The following MYCBP2 variants were observed in gnomAD, a reference collection of about 807,000 sequenced individuals.
MYCBP2 encodes E3 ubiquitin-protein ligase MYCBP2.
MYCBP2 carries 120 observed loss-of-function variants against 525.3 expected under a neutral mutation model. That is an observed-to-expected ratio of 0.23 (90% CI 0.20 to 0.27). The LOEUF (loss-of-function observed/expected upper bound fraction) is 0.27, where lower values mean the gene tolerates loss of function less well. Among genes scored for constraint, MYCBP2 ranks in the 10% least tolerant of loss-of-function variants. The pLI is 1.00. For synonymous variants in MYCBP2, 1,894 were observed against 1,955.8 expected (o/e 0.97, Z 0.83); for missense variants, 4,149 against 5,657.1 (o/e 0.73, Z 8.55).
rs149142466 is a variant in MYCBP2, at chr13:77,150,793, C to T, written c.7072G>A (p.Val2358Ile). 4.5e-5 allele frequency: 72 copies of T among 1,614,094 alleles called. No homozygotes were observed. In the African/African-American group the frequency reaches 8.9e-4, roughly 20 times the overall value. Residue 2358 changes from valine to isoleucine, a missense_variant, in exon 47 of 83, where the codon GTT becomes ATT. Around this residue, in one of 21 missense-constraint regions of MYCBP2, gnomAD observed 692 missense variants for 852.7 expected, o/e 0.81. Transcript: ENST00000544440. ...TTCACTATCATTGGTTCATATGAAA[C>T]ATCTAGCTTTGGTGATGCCAGCCCT... Reference protein sequence around the residue: ...YGGLASPKLDVSYEPMIVKEA... With the variant: ...YGGLASPKLDISYEPMIVKEA...
intron 5 of MYCBP2, among the ~76,000 whole-genome samples, chr13:77,273,082 A>C (rs532975646): frequency 1.6e-3 from 245 of 152,346 alleles, no homozygotes; most frequent in African/African-American, 5.6e-3. Flanking sequence ...AAAATATATC[A>C]GATTGATACC....
At chr13:77,205,434 A>G (rs1318930877) in intron 25 of MYCBP2, 39 bp downstream of exon 25, 1 of 1,612,174 alleles carries the variant, frequency 6.2e-7, no homozygotes, top group Admixed American at 1.7e-5. Context: ...TATATATTTC[A>G]GTTGTAAGAC....
intron 46 of MYCBP2, among the ~76,000 whole-genome samples, chr13:77,151,508 T>C (rs1386782619): frequency 1.3e-5 from 2 of 152,218 alleles, no homozygotes; most frequent in Non-Finnish European, 2.9e-5. Context: ...ATCACCAACA[T>C]CAACATTTGA....
chr13:77,197,011 A>G (rs2061826459), intron 26 of MYCBP2, among the ~76,000 whole-genome samples: 1 of 152,256 alleles, frequency 6.6e-6, no homozygotes, highest in African/African-American at 2.4e-5. Context: ...TCAGTGGGAC[A>G]AAAGAAAAAT....
At position 77,095,608 on chromosome 13, in the gene MYCBP2, G is replaced by A. The variant is rs373062870; in HGVS notation, c.9955-6C>T. On this transcript the variant is annotated splice_polypyrimidine_tract_variant and splice_region_variant and intron_variant, in intron 57 of 82. Coordinates refer to ENST00000544440, the MANE Select transcript of MYCBP2 (RefSeq NM_015057.5). ...TTTCTCCTAGATTGTTTGACCTGGCGAAGAAAAAAATCAAACTAATCTTTT... is the reference window on the plus strand; with the variant it reads ...TTTCTCCTAGATTGTTTGACCTGGCAAAGAAAAAAATCAAACTAATCTTTT... 1.1e-3 allele frequency: 1,754 copies of A among 1,605,274 alleles called. 4 individuals are homozygous for A. Among genetic ancestry groups the A allele is most frequent in the African/African-American group, 1.3e-3 (98 of 74,654 alleles).
intron 14 of MYCBP2, among the ~76,000 whole-genome samples, chr13:77,252,830 C>T (rs1008472196): frequency 1.3e-5 from 2 of 152,034 alleles, no homozygotes; most frequent in African/African-American, 4.8e-5. Context: ...TGACTATTTT[C>T]AATAATCATA....
intron 54 of MYCBP2, 78 bp from the exon 55 acceptor site, chr13:77,121,573 A>C: frequency 7.5e-7 from 1 of 1,329,364 alleles, no homozygotes; most frequent in South Asian, 2.3e-5. Context: ...AGAAAATTGC[A>C]AAAGATTTTA....
chr13:77,180,640 G>A (rs1294426857), intron 33 of MYCBP2, among the ~76,000 whole-genome samples: 1 of 151,986 alleles, frequency 6.6e-6, no homozygotes, highest in Non-Finnish European at 1.5e-5. Context: ...AAGCTTTTTT[G>A]GCTGGGCGTG....
chr13:77,130,077 G>A (rs1016811551), intron 52 of MYCBP2, among the ~76,000 whole-genome samples: 5 of 151,510 alleles, frequency 3.3e-5, no homozygotes, highest in South Asian at 2.1e-4. Context: ...ATACATTTTC[G>A]TAGTTATCTC....
chr13:77,211,944 T>C lies in MYCBP2; in HGVS notation c.3262+12A>G. 1 of 1,600,470 alleles carries C rather than the reference T, an allele frequency of 6.2e-7. No homozygotes were observed. The highest frequency in any genetic ancestry group is 1.7e-5 in the Admixed American group (1 of 59,900). On this transcript the variant is annotated intron_variant, in intron 22 of 82. Transcript: ENST00000544440. ...GAGTTTGGAAGGGGCATTTGTTTAT[T>C]TCTGGTATTACCTATTATGTGTTTA...
intron 14 of MYCBP2, among the ~76,000 whole-genome samples, chr13:77,253,867 C>A (rs1306434690): frequency 6.6e-6 from 1 of 151,808 alleles, no homozygotes; most frequent in Non-Finnish European, 1.5e-5. Flanking sequence ...CAAGAAAAAT[C>A]CAGTAAAACT....
Position 77,081,250 on chromosome 13 carries a change from G to C in MYCBP2, c.11418+177C>G, listed in dbSNP as rs559592817. The C allele has an allele frequency of 5.0e-6, 3 of 600,478 alleles. No homozygotes were observed. The African/African-American group carries it at 5.6e-5, about 11-fold the overall frequency. 37.2% of individuals were successfully genotyped at this position (600,478 alleles called of 1,614,324 possible). A position where few individuals can be genotyped will look rare whatever the true frequency, so the allele number is the denominator to read the frequency against. On this transcript the variant is annotated intron_variant, in intron 65 of 82. Coordinates refer to ENST00000544440, the MANE Select transcript of MYCBP2 (RefSeq NM_015057.5). This position sits in a 1 kb window ranked among gnomAD's most constrained non-coding sequence, Gnocchi z 4.6. ...CTTTTCAGAAATGGAATTCCACAGT[G>C]CTCCCAATCATATTAATTTGTTTTT...
At chr13:77,274,560 CCT>C (rs911584007) in intron 4 of MYCBP2, among the ~76,000 whole-genome samples, 1 of 152,142 alleles carries the variant, frequency 6.6e-6, no homozygotes, top group African/African-American at 2.4e-5. Context: ...TAAAATGCCA[CCT>C]GTGGGTTATC....
chr13:77,129,125 A>G, intron 52 of MYCBP2: 1 of 397,438 alleles, frequency 2.5e-6, no homozygotes, highest in Non-Finnish European at 4.4e-6. Context: ...ATACCTGAAT[A>G]AAATATTATT....
chr13:77,056,458 C>T lies in MYCBP2; in HGVS notation c.13437+528G>A, dbSNP rs185192883. ...GTACTGCCACATTCTTCAAAAACAG[C>T]TTTTTGTTAATCATTATTAGCTTGC... is the stretch of plus-strand genomic sequence containing the variant. On this transcript the variant is annotated intron_variant, in intron 79 of 82. Transcript: ENST00000544440. Among the ~76,000 whole-genome samples the T allele has an allele frequency of 2.7e-3, 413 of 152,252 alleles. 1 individual carries two copies. The highest frequency in any genetic ancestry group is 9.4e-3 in the African/African-American group (389 of 41,558).
rs749960159 is a variant in MYCBP2, at chr13:77,261,305, T to G, written c.1718A>C (p.Glu573Ala). 6.2e-7 allele frequency: 1 copy of G among 1,613,248 alleles called. No homozygotes were observed. The highest frequency in any genetic ancestry group is 8.5e-7 in the Non-Finnish European group (1 of 1,179,638). Reference protein sequence around the residue: ...QGGPSAGKWVELPITKSPKIV... With the variant: ...QGGPSAGKWVALPITKSPKIV... ...CTTTGGAGATTTTGTAATTGGTAGCTCAACCCATTTTCCTGCTGAAGGACC... is the reference window on the plus strand; with the variant it reads ...CTTTGGAGATTTTGTAATTGGTAGCGCAACCCATTTTCCTGCTGAAGGACC... The change falls in exon 12 of 83, where the codon GAG becomes GCG. Residue 573 changes from glutamate to alanine, a missense_variant. By Grantham distance (107) the Glu-to-Ala change is moderately radical. Around this residue, in one of 21 missense-constraint regions of MYCBP2, gnomAD observed 262 missense variants for 419.3 expected, o/e 0.62. Transcript: ENST00000544440.
At position 77,326,134 on chromosome 13, in the gene MYCBP2, C is replaced by T. The variant is rs2082262393; in HGVS notation, c.302+340G>A. Among the ~76,000 whole-genome samples, 2 of 152,038 alleles carry T rather than the reference C, an allele frequency of 1.3e-5. No homozygotes were observed. The highest frequency in any genetic ancestry group is 4.2e-4 in the South Asian group (2 of 4,814). ...TTACCCTCTCTACCCATGCCACCTC[C>T]TACCTCAACGATACACACACGTGTC... On this transcript the variant is annotated intron_variant, in intron 1 of 82. Transcript: ENST00000544440. The surrounding 1 kb of genome is among the most constrained non-coding windows in gnomAD (Gnocchi z 4.2).
intron 26 of MYCBP2, among the ~76,000 whole-genome samples, chr13:77,195,564 T>A (rs1285570557): frequency 6.6e-6 from 1 of 151,800 alleles, no homozygotes; most frequent in Non-Finnish European, 1.5e-5. Context: ...ATCACTGCAC[T>A]CCAGTGTGGG....
intron 2 of MYCBP2, 26 bp from the exon 3 acceptor site, chr13:77,288,402 A>G (rs1842333488): frequency 6.4e-7 from 1 of 1,563,808 alleles, no homozygotes; most frequent in African/African-American, 1.4e-5. Context: ...GAATATTTCC[A>G]TTTCACACTC....
Sources: gnomAD v4.1 joint callset for allele counts (sites outside exome capture counted in the v4.1 genomes callset) on GRCh38, gnomAD v4.1.1 for gene constraint, gnomAD v4.1.1 regional missense constraint, Gnocchi (gnomAD v3.1) non-coding constraint, MANE v1.5 for transcripts, NCBI Gene and HGNC (gene_info 2026-07-23, HGNC 2026-07-21) for gene names.